TTLL5: variants seen among roughly 807,000 people sequenced by gnomAD.
The protein encoded by TTLL5 is tubulin tyrosine ligase like 5.
TTLL5 carries 132 observed loss-of-function variants against 168.4 expected under a neutral mutation model. That is an observed-to-expected ratio of 0.78 (90% confidence interval 0.68 to 0.91). TTLL5 has a LOEUF of 0.91. Among genes scored for constraint, TTLL5 ranks in the 40% least tolerant of loss-of-function variants. The pLI, the probability that TTLL5 is intolerant of heterozygous loss-of-function variation, is 0.00. For missense variants in TTLL5, 1,545 were observed against 1,581.5 expected, an observed-to-expected ratio of 0.98 and a Z score of 0.39; for synonymous variants, 546 against 558.6, an observed-to-expected ratio of 0.98 and a Z score of 0.32.
chr14:75,745,030 A>AG lies in TTLL5; in HGVS notation c.1282-62dup, dbSNP rs1302425305. The AG allele has an allele frequency of 4.8e-6, 6 of 1,253,798 alleles. No homozygotes were observed. The Admixed American group carries it at 1.3e-4, about 26-fold the overall frequency. The allele number at this position is 1,253,798 out of a possible 1,614,324, so 77.7% of individuals were successfully genotyped here. On this transcript the variant is annotated intron_variant, in intron 15 of 31. Transcript: ENST00000298832. ...ATAATGATGTTGAGGGAATGAACAG[A>AG]GGGTAATGAGGAGTAATGAAAACTT...
chr14:75,687,046 G>T (rs1192533453), intron 5 of TTLL5, among the ~76,000 whole-genome samples: 1 of 151,940 alleles, frequency 6.6e-6, no homozygotes, highest in African/African-American at 2.4e-5. Context: ...CTTTTTTGTT[G>T]TTGTTTACTT....
chr14:75,871,540 A>G (rs1034683020), intron 29 of TTLL5, among the ~76,000 whole-genome samples: 6 of 151,714 alleles, frequency 4.0e-5, no homozygotes, highest in East Asian at 1.9e-4. Context: ...CTGCACTGCT[A>G]TATACTCTCG....
Position 75,720,597 on chromosome 14 carries a change from A to G in TTLL5, c.936A>G (p.Ala312=), listed in dbSNP as rs760113065. 2.9e-5 allele frequency: 46 copies of G among 1,612,512 alleles called. No individual in the cohort carries two copies. Among genetic ancestry groups the G allele is most frequent in the Non-Finnish European group, 3.1e-5 (37 of 1,179,148 alleles). Reference sequence around the variant, plus strand: ...AAATTTAAAAATTTTTGTTTGCAGCATTGATGGCCCATGTAGAAGACCTGA... The same window carrying G: ...AAATTTAAAAATTTTTGTTTGCAGCGTTGATGGCCCATGTAGAAGACCTGA... ...YLKQEGRDTT[A]LMAHVEDLII... The change falls in exon 12 of 32, where the codon GCA becomes GCG. Residue 312 remains alanine, a splice_region_variant and synonymous_variant. Transcript: ENST00000298832.
intron 3 of TTLL5, among the ~76,000 whole-genome samples, chr14:75,679,436 C>G (rs1006754798): frequency 6.6e-6 from 1 of 152,216 alleles, no homozygotes; most frequent in Non-Finnish European, 1.5e-5. Flanking sequence ...TGGTTTTAGC[C>G]TGGTGAGACC....
At chr14:75,795,388 G>T (rs923296731) in intron 27 of TTLL5, among the ~76,000 whole-genome samples, 11 of 152,140 alleles carry the variant, frequency 7.2e-5, no homozygotes, top group Admixed American at 5.9e-4. Flanking sequence ...AAAAATTATT[G>T]TGGGTACATA....
intron 28 of TTLL5, chr14:75,847,601 C>T (rs1251090861): frequency 6.6e-6 from 1 of 152,074 alleles, no homozygotes; most frequent in Non-Finnish European, 1.5e-5. Flanking sequence ...GCTGCTCTAT[C>T]AGGTAAGTAC....
At chr14:75,902,327 A>G in intron 31 of TTLL5, 103 bp downstream of exon 31, 6 of 1,180,888 alleles carry the variant, frequency 5.1e-6, no homozygotes, top group Non-Finnish European at 7.3e-6. Context: ...AGTTCAAAGA[A>G]TGAAACATCT....
intron 4 of TTLL5, among the ~76,000 whole-genome samples, chr14:75,682,585 T>C (rs1023835917): frequency 6.6e-6 from 1 of 152,074 alleles, no homozygotes; most frequent in Admixed American, 6.5e-5. Flanking sequence ...TGACAGGTTC[T>C]TGAAAACCAT....
At chr14:75,669,622 G>A (rs1883558612) in intron 3 of TTLL5, 100 bp downstream of exon 3, 4 of 892,564 alleles carry the variant, frequency 4.5e-6, no homozygotes, top group Non-Finnish European at 6.4e-6. Flanking sequence ...AAGGGCCTTG[G>A]CCATGAGAAA....
At chr14:75,901,514 G>A (rs901720132) in intron 30 of TTLL5, among the ~76,000 whole-genome samples, 2 of 152,176 alleles carry the variant, frequency 1.3e-5, no homozygotes, top group African/African-American at 2.4e-5. Flanking sequence ...TCAGTCTTGC[G>A]ATTATTGACA....
At chr14:75,838,890 A>T (rs1245665583) in intron 28 of TTLL5, 1 of 152,648 alleles carries the variant, frequency 6.6e-6, no homozygotes, top group Non-Finnish European at 1.5e-5. Context: ...TGGAGCAATT[A>T]TCCAGACTGA....
rs750134887 is a variant in TTLL5, at chr14:75,766,200, C to G, written c.1847C>G (p.Ala616Gly). 4 of 1,613,884 alleles carry G rather than the reference C, an allele frequency of 2.5e-6. No homozygotes were observed. Among genetic ancestry groups the G allele is most frequent in the Admixed American group, 1.7e-5 (1 of 59,984 alleles). ...ESAGFLRENQ[A>G]KYTPSLTALV... ...GCAGGATTTCTTAGAGAAAATCAAG[C>G]CAAATATACACCCTCATTGACAGCT... The change falls in exon 20 of 32, where the codon GCC becomes GGC. Residue 616 changes from alanine to glycine, a missense_variant. Ala to Gly is a moderately conservative substitution (Grantham distance 60, BLOSUM62 0). Transcript: ENST00000298832.
intron 31 of TTLL5, among the ~76,000 whole-genome samples, chr14:75,925,349 G>A (rs1354656983): frequency 6.6e-6 from 1 of 150,912 alleles, no homozygotes; most frequent in Non-Finnish European, 1.5e-5. Context: ...GGGCGGCCTG[G>A]CAGAGACGCT....
At chr14:75,799,056 G>A (rs1396383102) in intron 27 of TTLL5, among the ~76,000 whole-genome samples, 1 of 152,088 alleles carries the variant, frequency 6.6e-6, no homozygotes, top group Admixed American at 6.5e-5. Flanking sequence ...AGTGCTGTCA[G>A]TGGAGTATTG....
intron 20 of TTLL5, among the ~76,000 whole-genome samples, chr14:75,770,936 A>G (rs1040304187): frequency 3.3e-5 from 5 of 152,200 alleles, no homozygotes; most frequent in African/African-American, 7.2e-5. Context: ...TATAGGATTT[A>G]TCTATTTCCT....
intron 27 of TTLL5, among the ~76,000 whole-genome samples, chr14:75,802,735 A>G (rs1893393392): frequency 1.3e-5 from 2 of 152,234 alleles, no homozygotes; most frequent in South Asian, 4.1e-4. Context: ...AGCTACATAA[A>G]CAGATGGTAA....
chr14:75,766,317 T>C lies in TTLL5; in HGVS notation c.1964T>C (p.Leu655Pro). The change falls in exon 20 of 32, where the codon CTA becomes CCA. Residue 655 changes from leucine to proline, a missense_variant. Transcript: ENST00000298832. ...GHCCKLETQE[L>P]EPKFNLMQIL... is the part of the protein sequence containing the mutation. ...TGCTGCAAACTTGAGACTCAGGAGC[T>C]AGAGCCTAAATTTAACCTGATGCAG... 1.2e-6 allele frequency: 2 copies of C among 1,613,904 alleles called. No individual in the cohort carries two copies. The highest frequency in any genetic ancestry group is 1.7e-6 in the Non-Finnish European group (2 of 1,179,940).
chr14:75,814,677 C>T (rs914414545), intron 27 of TTLL5: 2 of 152,092 alleles, frequency 1.3e-5, no homozygotes, highest in African/African-American at 4.8e-5. Context: ...AAAGAAAGAC[C>T]AGAGGTTTTC....
At chr14:75,736,603 T>G (rs1012852533) in intron 15 of TTLL5, among the ~76,000 whole-genome samples, 3 of 152,192 alleles carry the variant, frequency 2.0e-5, no homozygotes, top group Non-Finnish European at 4.4e-5. Context: ...CCAGGTGTTA[T>G]GAGATCTTGC....
Sources: gnomAD v4.1 joint callset for allele counts (sites outside exome capture counted in the v4.1 genomes callset) on GRCh38, gnomAD v4.1.1 for gene constraint, MANE v1.5 for transcripts, NCBI Gene and HGNC (gene_info 2026-07-23, HGNC 2026-07-21) for gene names.